INVS: variants seen among roughly 807,000 people sequenced by gnomAD.
INVS encodes the protein inversin.
INVS carries 86 observed loss-of-function variants against 108.8 expected under a neutral mutation model. The observed-to-expected ratio is 0.79, with a 90% CI of 0.66 to 0.95. The LOEUF is 0.95. INVS is among the 40% of genes least tolerant of loss of function. INVS has a pLI of 0.00. For missense variants in INVS, 1,169 were observed against 1,297.4 expected (o/e 0.90, Z 1.52); for synonymous variants, 455 against 473.5 (o/e 0.96, Z 0.51).
intron 8 of INVS, among the ~76,000 whole-genome samples, chr9:100,247,352 C>A (rs1045311203): frequency 6.6e-6 from 1 of 152,056 alleles, no homozygotes; most frequent in East Asian, 1.9e-4. Flanking sequence ...CTTTTAATTT[C>A]TTTCTCTAAT....
intron 10 of INVS, among the ~76,000 whole-genome samples, 155 bp from the exon 11 acceptor site, chr9:100,264,667 C>A (rs891643712): frequency 4.0e-5 from 6 of 151,388 alleles, no homozygotes. Context: ...GATCAAATAT[C>A]ATTTGCTTTC....
At chr9:100,262,265 C>T (rs1368973619) in intron 10 of INVS, among the ~76,000 whole-genome samples, 1 of 151,472 alleles carries the variant, frequency 6.6e-6, no homozygotes, top group East Asian at 1.9e-4. Context: ...AAAATAGTCC[C>T]TTGTTTTTAT....
intron 3 of INVS, among the ~76,000 whole-genome samples, chr9:100,152,993 ATTG>A (rs1286361566): frequency 6.9e-6 from 1 of 144,094 alleles, no homozygotes; most frequent in African/African-American, 2.8e-5. Flanking sequence ...TGTTGTACAG[ATTG>A]TTAACTAATT....
intron 14 of INVS, among the ~76,000 whole-genome samples, chr9:100,294,631 C>G (rs1833734316): frequency 1.3e-5 from 2 of 152,162 alleles, no homozygotes; most frequent in African/African-American, 4.8e-5. Flanking sequence ...CTGGCTGACT[C>G]AAATCCAAGG....
intron 3 of INVS, among the ~76,000 whole-genome samples, chr9:100,203,095 A>G (rs1830578580): frequency 6.6e-6 from 1 of 152,256 alleles, no homozygotes; most frequent in Non-Finnish European, 1.5e-5. Flanking sequence ...CTCCTAAGGT[A>G]CAAAGCATAA....
intron 3 of INVS, among the ~76,000 whole-genome samples, chr9:100,173,221 A>C (rs1224567060): frequency 1.3e-5 from 2 of 152,204 alleles, no homozygotes; most frequent in Admixed American, 6.5e-5. Context: ...AAAAACAACT[A>C]TCTGGAGGAA....
intron 8 of INVS, among the ~76,000 whole-genome samples, chr9:100,249,004 A>G (rs1429346692): frequency 6.6e-6 from 1 of 151,166 alleles, no homozygotes; most frequent in African/African-American, 2.4e-5. Flanking sequence ...CTTCTTCCCA[A>G]AGTGCTGAGA....
intron 13 of INVS, among the ~76,000 whole-genome samples, chr9:100,286,369 C>G (rs1298935731): frequency 2.6e-5 from 4 of 152,170 alleles, no homozygotes; most frequent in Non-Finnish European, 4.4e-5. Context: ...GCCTGGCCAA[C>G]TTGGCGAAAC....
intron 2 of INVS, among the ~76,000 whole-genome samples, chr9:100,108,782 G>A (rs1188142906): frequency 2.0e-5 from 3 of 152,190 alleles, no homozygotes; most frequent in African/African-American, 7.2e-5. Flanking sequence ...CATACACAAC[G>A]AATTAAATCG....
At chr9:100,298,096 A>G (rs1588154651) in intron 16 of INVS, 86 bp downstream of exon 16, 1 of 1,604,732 alleles carries the variant, frequency 6.2e-7, no homozygotes. Flanking sequence ...AGAAGACATT[A>G]GAACAGATAT....
Position 100,242,666 on chromosome 9 carries a change from A to C in INVS, c.893A>C (p.Gln298Pro). 1 of 1,593,874 alleles carries C rather than the reference A, an allele frequency of 6.3e-7. No homozygotes were observed. The highest frequency in any genetic ancestry group is 1.1e-5 in the South Asian group (1 of 90,660). The change falls in exon 7 of 17, where the codon CAG becomes CCG. Residue 298 changes from glutamine (Q) to proline (P), a missense_variant. By Grantham distance (76) the Gln-to-Pro change is moderately conservative. Transcript: ENST00000262457. Reference protein sequence around the residue: ...QGATPLHYAAQSNFAETVKVF... With the variant: ...QGATPLHYAAPSNFAETVKVF... Reference sequence around the variant, plus strand: ...GCCACACCTTTGCACTATGCTGCTCAGAGTAACTTTGCTGTAAGTAAAACA... The same window carrying C: ...GCCACACCTTTGCACTATGCTGCTCCGAGTAACTTTGCTGTAAGTAAAACA...
chr9:100,163,483 A>G (rs1308531615), intron 3 of INVS, among the ~76,000 whole-genome samples: 2 of 152,194 alleles, frequency 1.3e-5, no homozygotes, highest in African/African-American at 4.8e-5. Flanking sequence ...AGCAGTGAAC[A>G]AAACAAAACA....
intron 3 of INVS, chr9:100,175,898 G>T (rs531127847): frequency 2.4e-4 from 145 of 595,546 alleles, no homozygotes; most frequent in South Asian, 1.9e-3. Context: ...CCTGCATGCG[G>T]TTCCAGCAAA....
intron 2 of INVS, among the ~76,000 whole-genome samples, chr9:100,118,007 C>G (rs1827600325): frequency 6.6e-6 from 1 of 151,946 alleles, no homozygotes; most frequent in African/African-American, 2.4e-5. Context: ...TCTCAGACTT[C>G]TAGCCTCCAG....
intron 1 of INVS, chr9:100,102,072 A>G (rs967387765): frequency 6.6e-6 from 1 of 152,050 alleles, no homozygotes; most frequent in African/African-American, 2.4e-5. Context: ...CTATCTTCCT[A>G]TGCGGCTGAT....
At chr9:100,177,873 A>G (rs1290062834) in intron 3 of INVS, among the ~76,000 whole-genome samples, 1 of 152,178 alleles carries the variant, frequency 6.6e-6, no homozygotes, top group African/African-American at 2.4e-5. Flanking sequence ...CTCATACAGG[A>G]CAGCTCTGGC....
intron 8 of INVS, among the ~76,000 whole-genome samples, chr9:100,249,036 C>T: frequency 6.6e-6 from 1 of 152,030 alleles, no homozygotes. Flanking sequence ...CAGATGAAAG[C>T]ATCATATAAT....
chr9:100,153,005 T>TTTG (rs1828855193), intron 3 of INVS, among the ~76,000 whole-genome samples: 1 of 149,164 alleles, frequency 6.7e-6, no homozygotes, highest in Non-Finnish European at 1.5e-5. Context: ...TGTTAACTAA[T>TTTG]TGTGTGTGTG....
At chr9:100,263,381 T>G (rs902064860) in intron 10 of INVS, among the ~76,000 whole-genome samples, 8 of 152,208 alleles carry the variant, frequency 5.3e-5, no homozygotes, top group African/African-American at 1.9e-4. Flanking sequence ...TTTCTTTTGG[T>G]GGATCTAGGA....
Sources: gnomAD v4.1 joint callset for allele counts (sites outside exome capture counted in the v4.1 genomes callset) on GRCh38, gnomAD v4.1.1 for gene constraint, MANE v1.5 for transcripts, NCBI Gene and HGNC (gene_info 2026-07-23, HGNC 2026-07-21) for gene names.